FLNA: variants seen among roughly 807,000 people sequenced by gnomAD.
The protein encoded by FLNA is filamin-A.
A neutral mutation model predicts 157.6 loss-of-function variants in FLNA; 7 were observed. That is an observed-to-expected ratio of 0.04 (90% CI 0.03 to 0.08). The LOEUF (loss-of-function observed/expected upper bound fraction) is 0.08. Among genes scored for constraint, FLNA ranks in the 10% least tolerant of loss-of-function variants. The pLI, the probability that FLNA is intolerant of heterozygous loss-of-function variation, is 1.00. For synonymous variants in FLNA, 1,103 were observed against 1,060.8 expected (o/e 1.04, Z -0.77); for missense variants, 1,750 against 2,398.4 (o/e 0.73, Z 5.65).
Position 154,354,844 on chromosome X carries a change from T to C in FLNA, c.5198A>G (p.Asn1733Ser). The C allele has an allele frequency of 8.3e-7, 1 of 1,211,867 alleles. No homozygotes were observed. The highest frequency in any genetic ancestry group is 1.1e-6 in the Non-Finnish European group (1 of 895,632). Residue 1733 changes from asparagine (N) to serine (S), a missense_variant, in exon 31 of 48, where the codon AAC becomes AGC. Asn to Ser is a conservative substitution (Grantham distance 46). Coordinates refer to ENST00000369850, the MANE Select transcript of FLNA (RefSeq NM_001110556.2). ...CCTCACCGTCACTTGGAAGGGGCTG[T>C]TGGGCACGTGCTCGCCACCAAAGCG... Reference protein sequence around the residue: ...CVRFGGEHVPNSPFQVTALAG... With the variant: ...CVRFGGEHVPSSPFQVTALAG...
At chrX:154,366,506 G>A (rs2067762381) in intron 7 of FLNA, 36 bp from the exon 8 acceptor site, 8 of 1,209,018 alleles carry the variant, frequency 6.6e-6, no homozygotes, top group Non-Finnish European at 9.0e-6. Flanking sequence ...GGGTAGGGCT[G>A]GGGGCCTCCA....
intron 26 of FLNA, 149 bp downstream of exon 26, chrX:154,358,835 C>T: frequency 2.9e-6 from 2 of 692,472 alleles, no homozygotes; most frequent in East Asian, 6.4e-5. Context: ...CACCTGGCTG[C>T]ACTGTCACCT....
chrX:154,349,531 C>T lies in FLNA; in HGVS notation c.7587G>A (p.Glu2529=). 1.6e-6 allele frequency: 2 copies of T among 1,212,290 alleles called. No homozygotes were observed. The highest frequency in any genetic ancestry group is 3.4e-5 in the African/African-American group (2 of 58,058). The change falls in exon 47 of 48, where the codon GAG becomes GAA. Residue 2529 remains glutamate, a synonymous_variant. Coordinates refer to ENST00000369850, the MANE Select transcript of FLNA (RefSeq NM_001110556.2). ...GAGAGTCTACAAACACTGATGATGT[C>T]TCGTGGAGGCTGTGGTTGCTGACGA... ...PRLVSNHSLH[E]TSSVFVDSLT...
chrX:154,372,028 G>A (rs1028739734), intron 1 of FLNA, among the ~76,000 whole-genome samples: 2 of 113,819 alleles, frequency 1.8e-5, no homozygotes, highest in Non-Finnish European at 3.7e-5. Context: ...TTCCCAGTCC[G>A]TAGGGCCCTC....
In FLNA at chrX:154,364,280, G is replaced by C. The variant is rs1206014830; in HGVS notation, c.2115C>G (p.Ala705=). The C allele has an allele frequency of 2.5e-6, 3 of 1,209,355 alleles. No homozygotes were observed. The African/African-American group carries it at 5.2e-5, about 21-fold the overall frequency. The change falls in exon 14 of 48, where the codon GCC becomes GCG. Residue 705 remains alanine (A), a synonymous_variant. Coordinates refer to ENST00000369850, the MANE Select transcript of FLNA (RefSeq NM_001110556.2). Reference sequence around the variant, plus strand: ...CTACCTGGACTTGGACCCGAAGTGGGGCCTTGCCACCGTGCTTGGCATCCA... The same window carrying C: ...CTACCTGGACTTGGACCCGAAGTGGCGCCTTGCCACCGTGCTTGGCATCCA... The part of the protein sequence containing the change: ...FTVDAKHGGK[A]PLRVQVQDNE...
rs782003334 is a variant in FLNA, at chrX:154,360,402, G to A, written c.3393C>T (p.Pro1131=). 3.3e-5 allele frequency: 40 copies of A among 1,210,596 alleles called. No individual in the cohort carries two copies. The highest frequency in any genetic ancestry group is 1.5e-4 in the East Asian group (5 of 33,793). Residue 1131 remains proline (P), a synonymous_variant, in exon 22 of 48, where the codon CCC becomes CCT. Coordinates refer to ENST00000369850, the MANE Select transcript of FLNA (RefSeq NM_001110556.2). The part of the protein sequence containing the change: ...TCSVSYVPTE[P]GDYNINILFA... ...AGAGGATGTTGATGTTGTAGTCCCC[G>A]GGCTCGGTGGGCACGTAGGACACGG... is the stretch of plus-strand genomic sequence containing the variant.
In FLNA at chrX:154,364,320, G is replaced by A. The variant is rs782791232; in HGVS notation, c.2075C>T (p.Pro692Leu). 1.3e-5 allele frequency: 16 copies of A among 1,211,345 alleles called. No individual in the cohort carries two copies. Among genetic ancestry groups the A allele is most frequent in the Non-Finnish European group, 1.8e-5 (16 of 895,463 alleles). The change falls in exon 14 of 48, where the codon CCA becomes CTA. Residue 692 changes from proline (P) to leucine (L), a missense_variant. Pro to Leu is a moderately conservative substitution (Grantham distance 98, BLOSUM62 -3). This residue lies in a region of FLNA where 648 missense variants were observed against 805.8 expected (regional missense o/e 0.80). Coordinates refer to ENST00000369850, the MANE Select transcript of FLNA (RefSeq NM_001110556.2). ...CTTGGCATCCACTGTGAACTCTGCT[G>A]GCTTGTTGACGGCCACACCTGTCTT... ...LEKTGVAVNK[P>L]AEFTVDAKHG...
At position 154,356,072 on chromosome X, in the gene FLNA, G is replaced by A. The variant is rs782079713; in HGVS notation, c.4970-1000C>T. On this transcript the variant is annotated intron_variant, in intron 30 of 47. Transcript: ENST00000369850. ...CTCCCAGGCTCCAGACCTGGCTGCCGGCTGCCCACGCTGCCCTGGGAGGCT... is the reference window on the plus strand; with the variant it reads ...CTCCCAGGCTCCAGACCTGGCTGCCAGCTGCCCACGCTGCCCTGGGAGGCT... Among the ~76,000 whole-genome samples, 31 of 112,408 alleles carry A rather than the reference G, an allele frequency of 2.8e-4. No individual in the cohort carries two copies. In the South Asian group the frequency reaches 0.011, roughly 40 times the overall value.
At position 154,360,297 on chromosome X, in the gene FLNA, T is replaced by C; in HGVS notation, c.3498A>G (p.Ser1166=). The C allele has an allele frequency of 8.3e-7, 1 of 1,211,759 alleles. No homozygotes were observed. The highest frequency in any genetic ancestry group is 2.3e-4 in the Middle Eastern group (1 of 4,355). The change falls in exon 22 of 48, where the codon TCA becomes TCG. Residue 1166 remains serine (S), a synonymous_variant. Coordinates refer to ENST00000369850, the MANE Select transcript of FLNA (RefSeq NM_001110556.2). ...CGGTGGCCCGCTCCAGCCCGGGGCCTGAGCACTTGACTTTGGATGCGTCAA... is the reference window on the plus strand; with the variant it reads ...CGGTGGCCCGCTCCAGCCCGGGGCCCGAGCACTTGACTTTGGATGCGTCAA... ...PCFDASKVKC[S]GPGLERATAG... is the part of the protein sequence containing the mutation.
At chrX:154,355,563 G>A (rs1163859764) in intron 30 of FLNA, among the ~76,000 whole-genome samples, 3 of 113,540 alleles carry the variant, frequency 2.6e-5, no homozygotes, top group African/African-American at 6.4e-5. Context: ...GCCTGATGGT[G>A]AAACCGGAGT....
At position 154,365,335 on chromosome X, in the gene FLNA, C is replaced by T. The variant is rs1482368387; in HGVS notation, c.1567+14G>A. 2.5e-6 allele frequency: 3 copies of T among 1,212,009 alleles called. No individual in the cohort carries two copies. The Admixed American group carries it at 6.5e-5, about 26-fold the overall frequency. On this transcript the variant is annotated intron_variant, in intron 10 of 47. Coordinates refer to ENST00000369850, the MANE Select transcript of FLNA (RefSeq NM_001110556.2). ...TGCCGCCACCCATCCTGGCCTGGCT[C>T]CAGGCCAACTTACTGGGGCCCTTCA...
chrX:154,361,217 T>A, intron 21 of FLNA, 91 bp downstream of exon 21: 1 of 895,976 alleles, frequency 1.1e-6, no homozygotes, highest in Admixed American at 2.8e-5. Flanking sequence ...AAAAAAAGGA[T>A]TTAGGGCAGG....
At chrX:154,357,315 A>G (rs782354991) in intron 29 of FLNA, 41 bp from the exon 30 acceptor site, 54 of 1,201,385 alleles carry the variant, frequency 4.5e-5, no homozygotes, top group Non-Finnish European at 5.6e-5. Context: ...AGGTCAGGTG[A>G]GTCACTCAAG....
chrX:154,363,664 G>A (rs2067731482), intron 15 of FLNA, among the ~76,000 whole-genome samples: 1 of 111,896 alleles, frequency 8.9e-6, no homozygotes, highest in South Asian at 3.7e-4. Context: ...AGTGAGCCGA[G>A]ATCGCGCCAT....
intron 43 of FLNA, 69 bp from the exon 44 acceptor site, chrX:154,351,110 AG>A: frequency 8.9e-7 from 1 of 1,123,612 alleles, no homozygotes; most frequent in African/African-American, 1.8e-5. Context: ...GAAAGGCCCC[AG>A]GAGCAAGAGG....
At chrX:154,368,349 C>T (rs1158802163) in intron 2 of FLNA, among the ~76,000 whole-genome samples, 1 of 112,038 alleles carries the variant, frequency 8.9e-6, no homozygotes, top group Non-Finnish European at 1.9e-5. Flanking sequence ...ATGATTACTG[C>T]CAGAAGCCCT....
In FLNA at chrX:154,362,758, G is replaced by A. The variant is rs1557178375; in HGVS notation, c.2307C>T (p.Pro769=). The change falls in exon 16 of 48, where the codon CCC becomes CCT. Residue 769 remains proline, a synonymous_variant. Transcript: ENST00000369850. The stretch of plus-strand genomic sequence containing the variant: ...CGGGGCCGTATACTTTGACCTTGTT[G>A]GGGTGGCTGCCAGCTCCCACATTCA... ...FRVNVGAGSH[P]NKVKVYGPGV... is the part of the protein sequence containing the mutation. 1.7e-6 allele frequency: 2 copies of A among 1,201,066 alleles called. No homozygotes were observed. Among genetic ancestry groups the A allele is most frequent in the Non-Finnish European group, 2.2e-6 (2 of 890,833 alleles).
chrX:154,358,244 G>T lies in FLNA; in HGVS notation c.4710C>A (p.Ile1570=), dbSNP rs1001333218. 12 of 1,209,660 alleles carry T rather than the reference G, an allele frequency of 9.9e-6. No individual in the cohort carries two copies. The highest frequency in any genetic ancestry group is 1.2e-5 in the Non-Finnish European group (11 of 895,152). The change falls in exon 28 of 48, where the codon ATC becomes ATA. Residue 1570 remains isoleucine (I), a synonymous_variant. Coordinates refer to ENST00000369850, the MANE Select transcript of FLNA (RefSeq NM_001110556.2). ...VPASLPVEFT[I]DAKDAGEGLL... ...GGCCCTCCCCGGCGTCCTTTGCATCGATGGTGAACTCCACGGGCAGGCTGG... is the reference window on the plus strand; with the variant it reads ...GGCCCTCCCCGGCGTCCTTTGCATCTATGGTGAACTCCACGGGCAGGCTGG...
Position 154,362,403 on chromosome X carries a change from G to A in FLNA, c.2565+15C>T, listed in dbSNP as rs782802053. 2.5e-6 allele frequency: 3 copies of A among 1,211,359 alleles called. No homozygotes were observed. The highest frequency in any genetic ancestry group is 1.8e-5 in the South Asian group (1 of 57,043). On this transcript the variant is annotated intron_variant, in intron 17 of 47. Transcript: ENST00000369850. ...TCCGCAATGACATCTTAGCGGCCAG[G>A]AGCGCAGCACCCACCTGGTCAGCAA...
Sources: gnomAD v4.1 joint callset for allele counts (sites outside exome capture counted in the v4.1 genomes callset) on GRCh38, gnomAD v4.1.1 for gene constraint, gnomAD v4.1.1 regional missense constraint, MANE v1.5 for transcripts, NCBI Gene and HGNC (gene_info 2026-07-23, HGNC 2026-07-21) for gene names.